TTBK2: variants seen among roughly 807,000 people sequenced by gnomAD.
The protein encoded by TTBK2 is tau tubulin kinase 2.
In TTBK2, 28 loss-of-function variants were observed where a neutral mutation model predicts 110.8. The ratio of observed to expected loss-of-function variants is 0.25; its 90% CI spans 0.19 to 0.35. TTBK2 has a LOEUF of 0.35. Among genes scored for constraint, TTBK2 ranks in the 10% least tolerant of loss-of-function variants. The pLI, the probability that TTBK2 is intolerant of heterozygous loss-of-function variation, is 1.00. For synonymous variants in TTBK2, 532 were observed against 527.3 expected, an observed-to-expected ratio of 1.01 and a Z score of -0.12; for missense variants, 1,369 against 1,500.3, an observed-to-expected ratio of 0.91 and a Z score of 1.45.
intron 13 of TTBK2, among the ~76,000 whole-genome samples, chr15:42,763,178 A>ACG (rs1889155257): frequency 5.8e-5 from 1 of 17,170 alleles, no homozygotes; most frequent in Non-Finnish European, 9.8e-5. Context: ...ATATATATAT[A>ACG]TATATATATA....
Position 42,739,519 on chromosome 15 carries a change from G to A in TTBK2, c.*6276C>T, listed in dbSNP as rs2061737709. On this transcript the variant is annotated 3_prime_UTR_variant, in exon 15 of 15. Transcript: ENST00000267890. ...TAGACACTGGCTATTTTAGAAAAAG[G>A]GTCAGAAGGTAGACCAGGAACTATG... is the stretch of plus-strand genomic sequence containing the variant. 6.6e-6 allele frequency: 1 copy of A among 152,160 alleles called. No individual in the cohort carries two copies. The highest frequency in any genetic ancestry group is 1.5e-5 in the Non-Finnish European group (1 of 68,048). 9.4% of individuals were successfully genotyped at this position (152,160 alleles called of 1,614,324 possible). A position where few individuals can be genotyped will look rare whatever the true frequency, so the allele number is the denominator to read the frequency against.
At chr15:42,913,102 G>C (rs1448140731) in intron 1 of TTBK2, among the ~76,000 whole-genome samples, 14 of 128,432 alleles carry the variant, frequency 1.1e-4, no homozygotes, top group Non-Finnish European at 2.0e-4. Context: ...TCCTCAGTCC[G>C]ACCTGGGCGA....
At chr15:42,857,382 T>A (rs1298358938) in intron 3 of TTBK2, 1 of 152,044 alleles carries the variant, frequency 6.6e-6, no homozygotes, top group Non-Finnish European at 1.5e-5. Flanking sequence ...TAGTTGTGCA[T>A]AGTGGCATGT....
At chr15:42,763,086 A>ATATATATATATATATATATATACG (rs1567008366) in intron 13 of TTBK2, among the ~76,000 whole-genome samples, 35 of 106,784 alleles carry the variant, frequency 3.3e-4, no homozygotes, top group African/African-American at 1.8e-3. Flanking sequence ...TAACAATTTT[A>ATATATATATATATATATATATACG]TATATATATA....
rs2141101041 is a variant in TTBK2, at chr15:42,867,217, G to C, written c.217+5394C>G. 2.0e-5 allele frequency among the ~76,000 whole-genome samples: 3 copies of C among 149,148 alleles called. No homozygotes were observed. The South Asian group carries it at 6.3e-4, about 32-fold the overall frequency. ...CGAGACATCGCACCACTGCACTCCA[G>C]CCTGGGTGACAGAGGGAGACTCCGT... On this transcript the variant is annotated intron_variant, in intron 3 of 14. Transcript: ENST00000267890.
chr15:42,892,139 C>T (rs1895482175), intron 1 of TTBK2, among the ~76,000 whole-genome samples: 1 of 152,162 alleles, frequency 6.6e-6, no homozygotes, highest in Non-Finnish European at 1.5e-5. Flanking sequence ...ACATACTATG[C>T]TCTCTGATAA....
In TTBK2 at chr15:42,740,009, TAAAC is replaced by T. The variant is rs1166424100; in HGVS notation, c.*5782_*5785del. 1.3e-5 allele frequency: 2 copies of T among 152,336 alleles called. No homozygotes were observed. The highest frequency in any genetic ancestry group is 1.3e-4 in the Admixed American group (2 of 15,300). 9.4% of individuals were successfully genotyped at this position (152,336 alleles called of 1,614,324 possible). On this transcript the variant is annotated 3_prime_UTR_variant, in exon 15 of 15. Coordinates refer to ENST00000267890, the MANE Select transcript of TTBK2 (RefSeq NM_173500.4). ...TTATGTACATAATATTAAATAATATTAAACTAATAAAAAGAGAGGTAAAATTCCT... is the reference window on the plus strand; with the variant it reads ...TTATGTACATAATATTAAATAATATTTAATAAAAAGAGAGGTAAAATTCCT...
intron 1 of TTBK2, among the ~76,000 whole-genome samples, chr15:42,911,228 T>G (rs954806607): frequency 1.3e-5 from 2 of 152,146 alleles, no homozygotes; most frequent in African/African-American, 4.8e-5. Context: ...AGCCACACAT[T>G]TCTCCCATTC....
At chr15:42,905,291 C>T (rs886536101) in intron 1 of TTBK2, among the ~76,000 whole-genome samples, 6 of 152,046 alleles carry the variant, frequency 3.9e-5, no homozygotes, top group Non-Finnish European at 5.9e-5. Context: ...TGTTTTGTTT[C>T]GAGACAGGGC....
chr15:42,780,037 G>C (rs996745765), intron 11 of TTBK2, among the ~76,000 whole-genome samples: 1 of 150,874 alleles, frequency 6.6e-6, no homozygotes, highest in Non-Finnish European at 1.5e-5. Flanking sequence ...GTTGCTGTCT[G>C]TTTGAGACAG....
chr15:42,894,734 G>A (rs1328798609), intron 1 of TTBK2, among the ~76,000 whole-genome samples: 2 of 152,122 alleles, frequency 1.3e-5, no homozygotes, highest in African/African-American at 4.8e-5. Flanking sequence ...AGGCTGGGCA[G>A]CAGAGTGAGA....
intron 2 of TTBK2, among the ~76,000 whole-genome samples, chr15:42,877,053 G>C (rs1894844333): frequency 6.6e-6 from 1 of 152,046 alleles, no homozygotes; most frequent in Admixed American, 6.6e-5. Context: ...AAAAAGAGAA[G>C]CAAGTATTTA....
chr15:42,770,622 A>T (rs7181238), intron 13 of TTBK2, among the ~76,000 whole-genome samples: 2 of 152,006 alleles, frequency 1.3e-5, no homozygotes, highest in Non-Finnish European at 2.9e-5. Flanking sequence ...AAATACAATT[A>T]CAAAAAAACT....
At chr15:42,760,953 C>T (rs530843932) in intron 13 of TTBK2, among the ~76,000 whole-genome samples, 1 of 152,198 alleles carries the variant, frequency 6.6e-6, no homozygotes, top group South Asian at 2.1e-4. Flanking sequence ...GCTATAGTAA[C>T]CAAAACAGCA....
Position 42,775,171 on chromosome 15 carries a change from A to C in TTBK2, c.1962T>G (p.Ser654Arg). ...ASQFIAATPT[S>R]LMEAQAEGPL... ...GTCCTTCTGCCTGCGCCTCCATTAG[A>C]CTTGTGGGCGTCGCTGCAATAAACT... is the stretch of plus-strand genomic sequence containing the variant. The change falls in exon 13 of 15, where the codon AGT (serine) becomes AGG (arginine). Residue 654 changes from serine (S) to arginine (R), a missense_variant. Ser to Arg is a moderately radical substitution (Grantham distance 110, BLOSUM62 -1). Around this residue, in one of 4 missense-constraint regions of TTBK2, gnomAD observed 1,097 missense variants for 1,114.7 expected, o/e 0.98. Coordinates refer to ENST00000267890, the MANE Select transcript of TTBK2 (RefSeq NM_173500.4). 2 of 1,614,076 alleles carry C rather than the reference A, an allele frequency of 1.2e-6. No homozygotes were observed. The highest frequency in any genetic ancestry group is 2.2e-5 in the South Asian group (2 of 91,086).
At chr15:42,914,718 A>G (rs905646639) in intron 1 of TTBK2, among the ~76,000 whole-genome samples, 7 of 152,150 alleles carry the variant, frequency 4.6e-5, no homozygotes, top group Admixed American at 4.6e-4. Context: ...AAAAACATTT[A>G]TTTTGTCATT....
chr15:42,763,951 T>G (rs1265489941), intron 13 of TTBK2, among the ~76,000 whole-genome samples: 1 of 152,204 alleles, frequency 6.6e-6, no homozygotes, highest in Non-Finnish European at 1.5e-5. Context: ...TATAAAAATT[T>G]TGTGGGACTA....
chr15:42,818,887 C>CACTGG (rs1486321067), intron 6 of TTBK2, among the ~76,000 whole-genome samples: 5 of 142,648 alleles, frequency 3.5e-5, no homozygotes. Flanking sequence ...TGAGCCACTG[C>CACTGG]ACTCCAGCCT....
chr15:42,894,659 G>C (rs1327940022), intron 1 of TTBK2, among the ~76,000 whole-genome samples: 2 of 152,082 alleles, frequency 1.3e-5, no homozygotes, highest in African/African-American at 4.8e-5. Flanking sequence ...AGGCTAAAGT[G>C]GGAAGATCAC....
Sources: allele counts gnomAD v4.1 joint callset (sites outside exome capture counted in the v4.1 genomes callset), GRCh38; gene constraint gnomAD v4.1.1; regional missense constraint gnomAD v4.1.1; transcripts MANE v1.5; gene names NCBI Gene and HGNC (gene_info 2026-07-23, HGNC 2026-07-21).